The following NLGN1 variants were observed in gnomAD, a reference collection of about 807,000 sequenced individuals.
The protein encoded by NLGN1 is neuroligin-1.
Under a neutral mutation model 65.5 loss-of-function variants are expected in NLGN1, and 12 were observed. That is an observed-to-expected ratio of 0.18 (90% CI 0.12 to 0.30). The LOEUF (loss-of-function observed/expected upper bound fraction) is 0.30. Among genes scored for constraint, NLGN1 ranks in the 10% least tolerant of loss-of-function variants. The probability of loss-of-function intolerance (pLI) is 1.00; values close to 1 mark genes in which losing one functional copy is unlikely to be tolerated. For synonymous variants in NLGN1, 350 were observed against 359.5 expected (o/e 0.97, Z 0.30); for missense variants, 750 against 1,007.1 (o/e 0.74, Z 3.46).
rs115477741 is a variant in NLGN1 at position 174,267,491 on chromosome 3, G to T, written c.647-7824G>T. On this transcript the variant is annotated intron_variant, in intron 4 of 6. Transcript: ENST00000457714. The stretch of plus-strand genomic sequence containing the variant: ...TGGCTGTCTTTTTACCACACTAAAT[G>T]TTGGGGGAATCTCAAGAGTCTCTCA... 1.9e-3 allele frequency among the ~76,000 whole-genome samples: 296 copies of T among 152,224 alleles called. No homozygotes were observed. The Middle Eastern group carries it at 0.024, about 12-fold the overall frequency.
intron 4 of NLGN1, among the ~76,000 whole-genome samples, chr3:174,209,911 G>A (rs1180778569): frequency 2.0e-5 from 3 of 152,030 alleles, no homozygotes; most frequent in East Asian, 1.9e-4. Flanking sequence ...GATTACAGGC[G>A]TGAACCACCG....
chr3:173,982,704 C>G (rs144146611), intron 4 of NLGN1, among the ~76,000 whole-genome samples: 238 of 152,250 alleles, frequency 1.6e-3, no homozygotes, highest in African/African-American at 5.5e-3. Flanking sequence ...TTAGGTTGAT[C>G]CAGTTTTCCT....
intron 3 of NLGN1, among the ~76,000 whole-genome samples, chr3:173,756,847 G>A (rs1440088999): frequency 1.3e-5 from 2 of 149,230 alleles, no homozygotes; most frequent in East Asian, 3.9e-4. Flanking sequence ...TTTACATGAA[G>A]ATCCCTTTGA....
intron 2 of NLGN1, among the ~76,000 whole-genome samples, chr3:173,598,684 A>C (rs1749927111): frequency 6.6e-6 from 1 of 152,168 alleles, no homozygotes; most frequent in African/African-American, 2.4e-5. Flanking sequence ...TGGGCAAACT[A>C]GACTGTGCGT....
At chr3:174,048,125 A>T (rs926429631) in intron 4 of NLGN1, among the ~76,000 whole-genome samples, 8 of 152,134 alleles carry the variant, frequency 5.3e-5, no homozygotes, top group African/African-American at 1.9e-4. Context: ...TCAAAAAGAG[A>T]ACATTGTGGG....
intron 4 of NLGN1, among the ~76,000 whole-genome samples, chr3:173,845,120 G>C (rs1490527345): frequency 6.6e-6 from 1 of 152,166 alleles, no homozygotes; most frequent in African/African-American, 2.4e-5. Flanking sequence ...TTTTCATCTT[G>C]TTAGTTCTGT....
chr3:173,486,730 C>T (rs1728229992), intron 2 of NLGN1, among the ~76,000 whole-genome samples: 1 of 152,204 alleles, frequency 6.6e-6, no homozygotes, highest in African/African-American at 2.4e-5. Context: ...TCCTGACTAT[C>T]TCCTGCTCAA....
chr3:173,907,582 CTTTT>C lies in NLGN1; in HGVS notation c.646+99767_646+99770del, dbSNP rs561283815. Among the ~76,000 whole-genome samples the C allele has an allele frequency of 9.9e-3, 1,192 of 120,646 alleles. 13 individuals carry two copies. Among genetic ancestry groups the C allele is most frequent in the African/African-American group, 0.03 (956 of 31,732 alleles). The allele number at this position is 120,646 out of a possible 152,430, so 79.1% of individuals were successfully genotyped here. On this transcript the variant is annotated intron_variant, in intron 4 of 6. Transcript: ENST00000457714. Reference sequence around the variant, plus strand: ...CTTAGATGGCTTTATCTCTCTCTCTCTTTTTTTTTTTTTTTTTTTTGAGTTGGAG... The same window carrying C: ...CTTAGATGGCTTTATCTCTCTCTCTCTTTTTTTTTTTTTTTTGAGTTGGAG...
In NLGN1 at chr3:173,858,587, A is replaced by C. The variant is rs575417537; in HGVS notation, c.646+50755A>C. Among the ~76,000 whole-genome samples the C allele has an allele frequency of 9.9e-5, 15 of 152,192 alleles. No individual in the cohort carries two copies. In the East Asian group the frequency reaches 2.9e-3, roughly 29 times the overall value. On this transcript the variant is annotated intron_variant, in intron 4 of 6. Coordinates refer to ENST00000457714, the Ensembl canonical transcript of NLGN1. ...TTGATTAAAATGGGTCATGATTTCT[A>C]TCCTTGCTTATCCCATTGTAAACAC...
At chr3:173,563,391 G>GA (rs1441873554) in intron 2 of NLGN1, among the ~76,000 whole-genome samples, 1 of 152,082 alleles carries the variant, frequency 6.6e-6, no homozygotes, top group African/African-American at 2.4e-5. Context: ...TATATCTGTT[G>GA]AAAAAATCTA....
At chr3:174,200,140 T>C (rs1451502628) in intron 4 of NLGN1, among the ~76,000 whole-genome samples, 1 of 152,190 alleles carries the variant, frequency 6.6e-6, no homozygotes, top group Non-Finnish European at 1.5e-5. Context: ...GTTTACTCAT[T>C]TTATCACTTT....
chr3:173,775,200 TA>T (rs1224666270), intron 3 of NLGN1, among the ~76,000 whole-genome samples: 1 of 152,168 alleles, frequency 6.6e-6, no homozygotes, highest in Non-Finnish European at 1.5e-5. Flanking sequence ...GTCTAATAAT[TA>T]AAAGGTAAAA....
chr3:173,747,801 CTTTTTTTTT>C lies in NLGN1; in HGVS notation c.494-59857_494-59849del, dbSNP rs749749824. Reference sequence around the variant, plus strand: ...AATTTTCTTTCTTCTTCTTCTTGTTCTTTTTTTTTTTTTTTTTTTTTTTTTTTTTTGAGA... The same window carrying C: ...AATTTTCTTTCTTCTTCTTCTTGTTCTTTTTTTTTTTTTTTTTTTTTGAGA... On this transcript the variant is annotated intron_variant, in intron 3 of 6. Transcript: ENST00000457714. 2.6e-3 allele frequency among the ~76,000 whole-genome samples: 165 copies of C among 64,422 alleles called. 5 individuals carry two copies. The highest frequency in any genetic ancestry group is 9.0e-3 in the African/African-American group (145 of 16,096). The allele number at this position is 64,422 out of a possible 152,430, so 42.3% of individuals were successfully genotyped here. A position where few individuals can be genotyped will look rare whatever the true frequency, so the allele number is the denominator to read the frequency against.
chr3:173,445,458 T>C, intron 2 of NLGN1, among the ~76,000 whole-genome samples: 1 of 152,174 alleles, frequency 6.6e-6, no homozygotes, highest in East Asian at 1.9e-4. Context: ...ATGTTTCAAT[T>C]TACAGAAGCA....
At chr3:173,981,354 T>C (rs999345631) in intron 4 of NLGN1, among the ~76,000 whole-genome samples, 1 of 152,176 alleles carries the variant, frequency 6.6e-6, no homozygotes, top group Non-Finnish European at 1.5e-5. Flanking sequence ...ATTTGGGTGG[T>C]TTCACAGCAG....
At position 174,085,913 on chromosome 3, in the gene NLGN1, A is replaced by G. The variant is rs144684874; in HGVS notation, c.647-189402A>G. 6.3e-4 allele frequency among the ~76,000 whole-genome samples: 96 copies of G among 152,108 alleles called. 1 individual carries two copies. The highest frequency in any genetic ancestry group is 3.3e-3 in the East Asian group (17 of 5,186). ...TTTTAGTGGCATTATCTGAGCTTCT[A>G]TCATGGTCAAGAAAAGACTCTGACT... On this transcript the variant is annotated intron_variant, in intron 4 of 6. Transcript: ENST00000457714.
chr3:173,816,092 G>A (rs1718988811), intron 4 of NLGN1, among the ~76,000 whole-genome samples: 1 of 149,182 alleles, frequency 6.7e-6, no homozygotes, highest in South Asian at 2.1e-4. Context: ...TTTAATAATA[G>A]TTATAATTAA....
At chr3:174,088,879 C>T (rs537086515) in intron 4 of NLGN1, among the ~76,000 whole-genome samples, 128 of 151,910 alleles carry the variant, frequency 8.4e-4, no homozygotes, top group Non-Finnish European at 7.9e-4. Flanking sequence ...AAGAAGGTGC[C>T]TGAAATTCAT....
In NLGN1 at chr3:173,523,992, C is replaced by T. The variant is rs1316441149; in HGVS notation, c.-320-80287C>T. On this transcript the variant is annotated intron_variant, in intron 2 of 6. Transcript: ENST00000457714. The stretch of plus-strand genomic sequence containing the variant: ...CTGGAGTGCAGTGGCACGATCTCGG[C>T]TCACTGCAAGCTCTGCCTCCCAAGT... Among the ~76,000 whole-genome samples the T allele has an allele frequency of 5.4e-5, 8 of 147,412 alleles. 1 individual carries two copies. The highest frequency in any genetic ancestry group is 1.2e-4 in the Non-Finnish European group (8 of 66,842).
Sources: gnomAD v4.1 joint callset for allele counts (sites outside exome capture counted in the v4.1 genomes callset) on GRCh38, gnomAD v4.1.1 for gene constraint, MANE v1.5 for transcripts, NCBI Gene and HGNC (gene_info 2026-07-23, HGNC 2026-07-21) for gene names.